STAG1: variants seen among roughly 807,000 people sequenced by gnomAD.
The protein encoded by STAG1 is cohesin subunit SA-1.
In STAG1, 26 loss-of-function variants were observed where a neutral mutation model predicts 170.9. The ratio of observed to expected loss-of-function variants is 0.15; its 90% CI spans 0.11 to 0.21. The LOEUF (loss-of-function observed/expected upper bound fraction) is 0.21, where lower values mean the gene tolerates loss of function less well. STAG1 is among the 10% of genes least tolerant of loss of function. The pLI is 1.00. For missense variants in STAG1, 964 were observed against 1,509.5 expected, an observed-to-expected ratio of 0.64 and a Z score of 5.99; for synonymous variants, 514 against 497.7, an observed-to-expected ratio of 1.03 and a Z score of -0.44.
At chr3:136,521,094 T>G (rs983906413) in intron 7 of STAG1, 119 bp downstream of exon 7, 1 of 843,304 alleles carries the variant, frequency 1.2e-6, no homozygotes, top group Non-Finnish European at 1.8e-6. Context: ...CAAAAACTAT[T>G]CAAATGACTG....
At chr3:136,442,693 T>A (rs971863922) in intron 15 of STAG1, among the ~76,000 whole-genome samples, 91 of 148,820 alleles carry the variant, frequency 6.1e-4, no homozygotes, top group African/African-American at 2.1e-3. Context: ...TGGATGTACT[T>A]AAAAAAAAAA....
chr3:136,430,926 C>CAA (rs2088285275), intron 16 of STAG1, among the ~76,000 whole-genome samples: 1 of 148,976 alleles, frequency 6.7e-6, no homozygotes, highest in Non-Finnish European at 1.5e-5. Flanking sequence ...TTTTTGGAGA[C>CAA]AGAGTCTTAC....
chr3:136,707,185 C>T (rs928224617), intron 1 of STAG1, among the ~76,000 whole-genome samples: 1 of 152,102 alleles, frequency 6.6e-6, no homozygotes, highest in Non-Finnish European at 1.5e-5. Context: ...GCCCATGTAC[C>T]TAAAGAAAAA....
intron 7 of STAG1, among the ~76,000 whole-genome samples, chr3:136,503,087 CG>C (rs1559844854): frequency 3.3e-5 from 5 of 152,124 alleles, no homozygotes; most frequent in African/African-American, 1.2e-4. Flanking sequence ...AAAATACACA[CG>C]TAAGGGCACA....
rs186676586 is a variant in STAG1 at position 136,679,493 on chromosome 3, C to T, written c.-83-48512G>A. ...CCTGTAATCCCAGCACTTTGGGAGG[C>T]CCAGGCGGGCGGATCATGAGGTCAG... On this transcript the variant is annotated intron_variant, in intron 1 of 33. Coordinates refer to ENST00000383202, the MANE Select transcript of STAG1 (RefSeq NM_005862.3). 3.0e-3 allele frequency among the ~76,000 whole-genome samples: 453 copies of T among 152,198 alleles called. 2 individuals carry two copies. Among genetic ancestry groups the T allele is most frequent in the Admixed American group, 5.2e-3 (79 of 15,274 alleles).
At chr3:136,704,973 CAAT>C (rs1468380937) in intron 1 of STAG1, among the ~76,000 whole-genome samples, 1 of 151,692 alleles carries the variant, frequency 6.6e-6, no homozygotes, top group East Asian at 1.9e-4. Flanking sequence ...AATAGTTCAA[CAAT>C]AATACCTAAC....
intron 1 of STAG1, among the ~76,000 whole-genome samples, chr3:136,661,120 G>T (rs753419367): frequency 2.0e-5 from 3 of 152,152 alleles, no homozygotes; most frequent in Non-Finnish European, 4.4e-5. Context: ...GCAATGCCTA[G>T]GTATGGCCCC....
chr3:136,452,207 A>C (rs1053957473), intron 13 of STAG1, 60 bp from the exon 14 acceptor site: 10 of 1,011,790 alleles, frequency 9.9e-6, no homozygotes, highest in Middle Eastern at 2.1e-4. Context: ...GTCTTCCCTC[A>C]ACACACAAAT....
intron 22 of STAG1, among the ~76,000 whole-genome samples, chr3:136,391,340 GA>G (rs1462281183): frequency 6.8e-6 from 1 of 146,672 alleles, no homozygotes; most frequent in Non-Finnish European, 1.5e-5. Context: ...GCAGGCCAAA[GA>G]AAGTAATAGG....
At position 136,655,631 on chromosome 3, in the gene STAG1, C is replaced by T. The variant is rs116633741; in HGVS notation, c.-83-24650G>A. 4.7e-3 allele frequency among the ~76,000 whole-genome samples: 712 copies of T among 152,202 alleles called. 5 individuals carry two copies. Among genetic ancestry groups the T allele is most frequent in the African/African-American group, 0.016 (677 of 41,538 alleles). ...TATAAAAATTAGCCAGACATGGCGGCGCATGCCGGTAGTTCCAGCTACTCA... is the reference window on the plus strand; with the variant it reads ...TATAAAAATTAGCCAGACATGGCGGTGCATGCCGGTAGTTCCAGCTACTCA... On this transcript the variant is annotated intron_variant, in intron 1 of 33. Transcript: ENST00000383202.
At chr3:136,474,850 C>T (rs941450841) in intron 10 of STAG1, among the ~76,000 whole-genome samples, 2 of 152,132 alleles carry the variant, frequency 1.3e-5, no homozygotes, top group Admixed American at 1.3e-4. Context: ...GAATGGACCA[C>T]GGTTTACTAG....
chr3:136,709,098 T>C (rs539362884), intron 1 of STAG1, among the ~76,000 whole-genome samples: 2 of 150,696 alleles, frequency 1.3e-5, no homozygotes, highest in Non-Finnish European at 2.9e-5. Context: ...AAGACCAGCC[T>C]GACCAACATG....
intron 4 of STAG1, among the ~76,000 whole-genome samples, chr3:136,600,243 C>T (rs1411674470): frequency 2.0e-5 from 3 of 152,160 alleles, no homozygotes; most frequent in Non-Finnish European, 4.4e-5. Context: ...TTGAGATACA[C>T]GATTACCCTA....
chr3:136,339,076 G>A (rs2108253463), intron 32 of STAG1, among the ~76,000 whole-genome samples: 1 of 152,274 alleles, frequency 6.6e-6, no homozygotes, highest in South Asian at 2.1e-4. Flanking sequence ...GGTCATATGG[G>A]TGGGCCCTAA....
chr3:136,422,628 A>G lies in STAG1; in HGVS notation c.1834-15T>C, dbSNP rs757790120. 1 of 1,600,496 alleles carries G rather than the reference A, an allele frequency of 6.2e-7. No individual in the cohort carries two copies. Among genetic ancestry groups the G allele is most frequent in the South Asian group, 1.1e-5 (1 of 87,434 alleles). ...GCATCCAGATGCTGAGGAGACAAAA[A>G]AAGAAAAACTGTAATATTTAGGTTA... On this transcript the variant is annotated splice_polypyrimidine_tract_variant and intron_variant, in intron 18 of 33. Coordinates refer to ENST00000383202, the MANE Select transcript of STAG1 (RefSeq NM_005862.3).
intron 1 of STAG1, among the ~76,000 whole-genome samples, chr3:136,650,917 GA>G (rs1650590256): frequency 1.2e-5 from 1 of 82,848 alleles, no homozygotes. Flanking sequence ...AATGGTGGTA[GA>G]ATTAAAAAAA....
chr3:136,436,309 TCTCA>T (rs1445997289), intron 15 of STAG1, among the ~76,000 whole-genome samples: 2 of 151,616 alleles, frequency 1.3e-5, no homozygotes, highest in East Asian at 3.9e-4. Context: ...GGAAGTGGAG[TCTCA>T]CTCTGTCACC....
intron 11 of STAG1, 76 bp downstream of exon 11, chr3:136,473,463 T>C (rs2089673624): frequency 4.6e-6 from 5 of 1,083,504 alleles, no homozygotes; most frequent in Non-Finnish European, 6.9e-6. Flanking sequence ...TGTATGATAA[T>C]GTAATTTGCT....
intron 21 of STAG1, among the ~76,000 whole-genome samples, chr3:136,416,065 T>A (rs2087763091): frequency 6.6e-6 from 1 of 151,858 alleles, no homozygotes; most frequent in Non-Finnish European, 1.5e-5. Flanking sequence ...TGGAGTGCAG[T>A]GGTACAATCT....
Sources: gnomAD v4.1 joint callset for allele counts (sites outside exome capture counted in the v4.1 genomes callset) on GRCh38, gnomAD v4.1.1 for gene constraint, MANE v1.5 for transcripts, NCBI Gene and HGNC (gene_info 2026-07-23, HGNC 2026-07-21) for gene names.